Variants in GALNT13 observed in about 807,000 individuals in gnomAD.
The protein encoded by GALNT13 is UDP-GalNAc:polypeptide N-acetylgalactosaminyltransferase 13.
A neutral mutation model predicts 64.2 loss-of-function variants in GALNT13; 28 were observed. The observed-to-expected ratio is 0.44, with a 90% confidence interval of 0.32 to 0.60. The LOEUF is 0.60. Ranked by LOEUF, GALNT13 falls within the 20% of genes least tolerant of loss-of-function variation. The pLI, the probability that GALNT13 is intolerant of heterozygous loss-of-function variation, is 0.05. For missense variants in GALNT13, 577 were observed against 669.8 expected (o/e 0.86, Z 1.53); for synonymous variants, 214 against 224.6 (o/e 0.95, Z 0.42).
the GALNT13 span, among the ~76,000 whole-genome samples, chr2:153,292,421 C>G: frequency 6.6e-6 from 1 of 152,164 alleles, no homozygotes; most frequent in Admixed American, 6.5e-5. Flanking sequence ...TCCGGAGATA[C>G]AGTCTCACGA....
At chr2:154,353,431 G>A (rs1696526977) in intron 9 of GALNT13, among the ~76,000 whole-genome samples, 1 of 152,048 alleles carries the variant, frequency 6.6e-6, no homozygotes, top group Non-Finnish European at 1.5e-5. Flanking sequence ...TGGTGTGACA[G>A]GAGCAGCTAA....
At chr2:153,072,258 G>A in the GALNT13 span, among the ~76,000 whole-genome samples, 1 of 152,096 alleles carries the variant, frequency 6.6e-6, no homozygotes, top group South Asian at 2.1e-4. Flanking sequence ...CTTACCTACC[G>A]CTAAGCAGTG....
the GALNT13 span, among the ~76,000 whole-genome samples, chr2:153,084,402 T>A: frequency 6.6e-6 from 1 of 152,018 alleles, no homozygotes; most frequent in Non-Finnish European, 1.5e-5. Context: ...TTATGTCATC[T>A]ATGATTTCTT....
the GALNT13 span, among the ~76,000 whole-genome samples, chr2:153,493,850 A>G: frequency 1.3e-5 from 2 of 151,988 alleles, no homozygotes; most frequent in African/African-American, 4.8e-5. Flanking sequence ...AAAAAAAATC[A>G]TAGTAGTTTG....
intron 9 of GALNT13, among the ~76,000 whole-genome samples, chr2:154,358,536 T>C (rs1696878627): frequency 6.6e-6 from 1 of 152,152 alleles, no homozygotes; most frequent in Non-Finnish European, 1.5e-5. Flanking sequence ...TTGAAGTTTC[T>C]ATGTAATATA....
At chr2:153,376,637 G>A in the GALNT13 span, among the ~76,000 whole-genome samples, 1 of 152,172 alleles carries the variant, frequency 6.6e-6, no homozygotes, top group African/African-American at 2.4e-5. Context: ...AAAGCAAGAG[G>A]TTAAAAATTC....
At chr2:153,751,105 A>T in the GALNT13 span, among the ~76,000 whole-genome samples, 1 of 151,816 alleles carries the variant, frequency 6.6e-6, no homozygotes, top group African/African-American at 2.4e-5. Context: ...ATTTCTATGT[A>T]TTCGTATAGT....
the GALNT13 span, among the ~76,000 whole-genome samples, chr2:153,163,156 T>G: frequency 6.6e-6 from 1 of 152,336 alleles, no homozygotes; most frequent in East Asian, 1.9e-4. Flanking sequence ...GATTATATTT[T>G]CCATTTCTGG....
intron 3 of GALNT13, among the ~76,000 whole-genome samples, chr2:153,960,305 C>T (rs1692856389): frequency 6.6e-6 from 1 of 152,196 alleles, no homozygotes; most frequent in South Asian, 2.1e-4. Context: ...ATGTTGGGTG[C>T]CAAGCTGATG....
chr2:154,113,656 T>C (rs1356315335), intron 3 of GALNT13, among the ~76,000 whole-genome samples: 2 of 152,220 alleles, frequency 1.3e-5, no homozygotes, highest in African/African-American at 2.4e-5. Flanking sequence ...ATAAGTCTAG[T>C]GTGTTTGCTG....
the GALNT13 span, among the ~76,000 whole-genome samples, chr2:153,364,683 A>G: frequency 1.2e-4 from 19 of 152,062 alleles, no homozygotes; most frequent in Non-Finnish European, 5.9e-5. Context: ...AAAAAGAGAC[A>G]TGAAGGACCT....
At position 154,242,832 on chromosome 2, in the gene GALNT13, A is replaced by G; in HGVS notation, c.613A>G (p.Thr205Ala). 1 of 1,614,144 alleles carries G rather than the reference A, an allele frequency of 6.2e-7. No homozygotes were observed. Among genetic ancestry groups the G allele is most frequent in the Non-Finnish European group, 8.5e-7 (1 of 1,180,020 alleles). ...AGCTGCTTCAAAAGGGCAGGTCATA[A>G]CTTTTCTTGATGCACACTGTGAATG... ...GAAASKGQVI[T>A]FLDAHCECTL... The change falls in exon 6 of 13, where the codon ACT becomes GCT. Residue 205 changes from threonine to alanine, a missense_variant. Physicochemically the swap from Thr to Ala is moderately conservative, Grantham distance 58. Coordinates refer to ENST00000392825, the MANE Select transcript of GALNT13 (RefSeq NM_052917.4).
At chr2:153,622,288 G>A in the GALNT13 span, among the ~76,000 whole-genome samples, 1 of 152,006 alleles carries the variant, frequency 6.6e-6, no homozygotes, top group Non-Finnish European at 1.5e-5. Flanking sequence ...GAGATCCAAA[G>A]GTTTTATTTA....
At chr2:153,701,079 G>C in the GALNT13 span, among the ~76,000 whole-genome samples, 3 of 152,044 alleles carry the variant, frequency 2.0e-5, no homozygotes, top group Admixed American at 2.0e-4. Context: ...GCATCATGCT[G>C]TCTCACTTCA....
intron 8 of GALNT13, among the ~76,000 whole-genome samples, chr2:154,269,904 G>GTATATATATATATATATATATATATA (rs1404105316): frequency 1.7e-3 from 22 of 13,164 alleles, no homozygotes; most frequent in East Asian, 6.8e-3. Flanking sequence ...TTATATATAT[G>GTATATATATATATATATATATATATA]TGTATATATA....
rs1684825862 is a variant in GALNT13 at position 154,163,032 on chromosome 2, G to A, written c.311+22527G>A. 2.0e-5 allele frequency among the ~76,000 whole-genome samples: 3 copies of A among 149,810 alleles called. No individual in the cohort carries two copies. The South Asian group carries it at 6.3e-4, about 31-fold the overall frequency. On this transcript the variant is annotated intron_variant, in intron 4 of 12. Transcript: ENST00000392825. Reference sequence around the variant, plus strand: ...GTTTTAGGGTACATGTGCACAATGTGCAGGTTAGTTACATACGTATACATG... The same window carrying A: ...GTTTTAGGGTACATGTGCACAATGTACAGGTTAGTTACATACGTATACATG...
At chr2:154,104,636 G>T (rs933576743) in intron 3 of GALNT13, among the ~76,000 whole-genome samples, 7 of 152,170 alleles carry the variant, frequency 4.6e-5, no homozygotes, top group East Asian at 1.9e-4. Flanking sequence ...GTCTCAGGAG[G>T]TGCTTTGGCA....
the GALNT13 span, among the ~76,000 whole-genome samples, chr2:153,400,124 T>C: frequency 6.6e-6 from 1 of 152,032 alleles, no homozygotes; most frequent in African/African-American, 2.4e-5. Context: ...ATTGAGAGTT[T>C]TTAGCATGAA....
chr2:153,484,160 A>G, the GALNT13 span, among the ~76,000 whole-genome samples: 4 of 152,296 alleles, frequency 2.6e-5, no homozygotes, highest in African/African-American at 9.6e-5. Flanking sequence ...TCATAGCTCA[A>G]AGATACTCAC....
Sources: allele counts gnomAD v4.1 joint callset (sites outside exome capture counted in the v4.1 genomes callset), GRCh38; gene constraint gnomAD v4.1.1; transcripts MANE v1.5; gene names NCBI Gene and HGNC (gene_info 2026-07-23, HGNC 2026-07-21).